The following KIF26B variants were observed in gnomAD, a reference collection of about 807,000 sequenced individuals.
KIF26B encodes the protein kinesin-like protein KIF26B.
KIF26B carries 63 observed loss-of-function variants against 151.2 expected under a neutral mutation model. The ratio of observed to expected loss-of-function variants is 0.42; its 90% confidence interval spans 0.34 to 0.51. The LOEUF is 0.51. Among genes scored for constraint, KIF26B ranks in the 20% least tolerant of loss-of-function variants. The pLI is 0.07. For synonymous variants in KIF26B, 1,357 were observed against 1,262.1 expected (o/e 1.08, Z -1.59); for missense variants, 2,813 against 2,913.6 (o/e 0.97, Z 0.79).
intron 2 of KIF26B, among the ~76,000 whole-genome samples, chr1:245,235,945 T>C (rs1296126224): frequency 2.6e-5 from 4 of 151,824 alleles, no homozygotes; most frequent in African/African-American, 9.7e-5. Flanking sequence ...TTTTTTTTTT[T>C]TTGAGACAGA....
intron 2 of KIF26B, among the ~76,000 whole-genome samples, chr1:245,198,032 G>A (rs374802084): frequency 6.6e-6 from 1 of 152,162 alleles, no homozygotes; most frequent in Non-Finnish European, 1.5e-5. Flanking sequence ...ATCCTGTCTT[G>A]TCTCTTCCTC....
intron 9 of KIF26B, among the ~76,000 whole-genome samples, chr1:245,624,556 C>A (rs1170269688): frequency 6.6e-6 from 1 of 152,194 alleles, no homozygotes; most frequent in Non-Finnish European, 1.5e-5. Flanking sequence ...GGCATCCATA[C>A]CTCTTCTTTG....
At chr1:245,381,548 G>T (rs1395564728) in intron 3 of KIF26B, among the ~76,000 whole-genome samples, 1 of 151,826 alleles carries the variant, frequency 6.6e-6, no homozygotes, top group Non-Finnish European at 1.5e-5. Flanking sequence ...TTTAAGTGTG[G>T]CCTAAGACAG....
intron 4 of KIF26B, among the ~76,000 whole-genome samples, chr1:245,525,107 T>C (rs1375943691): frequency 6.6e-6 from 1 of 152,054 alleles, no homozygotes; most frequent in Non-Finnish European, 1.5e-5. Context: ...CCTCCCTGGG[T>C]CATCTCATCC....
intron 9 of KIF26B, chr1:245,614,835 C>T (rs749476226): frequency 1.2e-4 from 19 of 152,130 alleles, no homozygotes; most frequent in Non-Finnish European, 1.8e-4. Flanking sequence ...TTTAGAATCA[C>T]GTTCTTAAAG....
chr1:245,245,825 G>A (rs1422817242), intron 2 of KIF26B, among the ~76,000 whole-genome samples: 1 of 151,700 alleles, frequency 6.6e-6, no homozygotes, highest in Non-Finnish European at 1.5e-5. Context: ...TATTCAGGAG[G>A]CTGAGGCAGA....
chr1:245,441,082 T>C (rs561239884), intron 4 of KIF26B, among the ~76,000 whole-genome samples: 1 of 152,326 alleles, frequency 6.6e-6, no homozygotes, highest in South Asian at 2.1e-4. Context: ...TCTCCTTGGC[T>C]TCCTGTGGAA....
intron 2 of KIF26B, among the ~76,000 whole-genome samples, chr1:245,235,136 T>C (rs1275112046): frequency 6.6e-6 from 1 of 152,160 alleles, no homozygotes; most frequent in Non-Finnish European, 1.5e-5. Flanking sequence ...AGCTGATGTG[T>C]TCAGGAAAAT....
At chr1:245,264,844 G>A (rs569544006) in intron 2 of KIF26B, among the ~76,000 whole-genome samples, 1 of 151,586 alleles carries the variant, frequency 6.6e-6, no homozygotes, top group East Asian at 2.0e-4. Flanking sequence ...AGAGAGCCGA[G>A]ATCGAGCGAC....
intron 2 of KIF26B, among the ~76,000 whole-genome samples, chr1:245,329,490 G>A (rs1043739530): frequency 6.6e-6 from 1 of 152,212 alleles, no homozygotes; most frequent in Non-Finnish European, 1.5e-5. Context: ...GAGGCCCCAG[G>A]AATTAGTTGC....
chr1:245,463,996 A>ACCTCCT (rs1201764317), intron 4 of KIF26B, among the ~76,000 whole-genome samples: 1 of 151,608 alleles, frequency 6.6e-6, no homozygotes, highest in Non-Finnish European at 1.5e-5. Flanking sequence ...CAAAACCATC[A>ACCTCCT]CCTCCTCCTC....
At chr1:245,260,873 CTTCTTGTCTT>C (rs1402115040) in intron 2 of KIF26B, among the ~76,000 whole-genome samples, 182 of 152,308 alleles carry the variant, frequency 1.2e-3, no homozygotes, top group Admixed American at 4.4e-3. Context: ...ACTCAATAGC[CTTCTTGTCTT>C]TTAGCCTAGG....
At chr1:245,546,966 G>T (rs561165097) in intron 5 of KIF26B, among the ~76,000 whole-genome samples, 1 of 152,322 alleles carries the variant, frequency 6.6e-6, no homozygotes, top group African/African-American at 2.4e-5. Context: ...AGAGAAAGGC[G>T]ACTTGGGGAA....
chr1:245,275,250 G>T (rs1419461688), intron 2 of KIF26B, among the ~76,000 whole-genome samples: 1 of 151,822 alleles, frequency 6.6e-6, no homozygotes, highest in Admixed American at 6.6e-5. Flanking sequence ...GATAGATACA[G>T]TGCAAAAATT....
At position 245,597,565 on chromosome 1, in the gene KIF26B, T is replaced by C. The variant is rs2043347535; in HGVS notation, c.1351-5012T>C. On this transcript the variant is annotated intron_variant, in intron 5 of 14. Transcript: ENST00000407071. The surrounding 1 kb of genome is among the most constrained non-coding windows in gnomAD (Gnocchi z 4.6). ...CTTTCTCTCTAGTGCCCATAACATT[T>C]TTCCATCATTTCAACCTTGGTGAAT... 6.6e-6 allele frequency among the ~76,000 whole-genome samples: 1 copy of C among 152,192 alleles called. No homozygotes were observed. Among genetic ancestry groups the C allele is most frequent in the African/African-American group, 2.4e-5 (1 of 41,456 alleles).
chr1:245,493,706 A>AT (rs1428285093), intron 4 of KIF26B, among the ~76,000 whole-genome samples: 2 of 152,210 alleles, frequency 1.3e-5, no homozygotes, highest in Admixed American at 1.3e-4. Flanking sequence ...AAGATCTGAG[A>AT]TAGAAGGGAA....
chr1:245,201,857 G>A (rs1481329288), intron 2 of KIF26B, among the ~76,000 whole-genome samples: 1 of 152,192 alleles, frequency 6.6e-6, no homozygotes, highest in Non-Finnish European at 1.5e-5. Flanking sequence ...CTGCAGCACA[G>A]GAGTACGACT....
At chr1:245,395,202 T>G (rs966200440) in intron 3 of KIF26B, among the ~76,000 whole-genome samples, 1 of 152,196 alleles carries the variant, frequency 6.6e-6, no homozygotes. Context: ...TTTGAGTGCA[T>G]GTCGATGTTG....
chr1:245,534,852 G>A (rs562201969), intron 4 of KIF26B, among the ~76,000 whole-genome samples: 163 of 150,524 alleles, frequency 1.1e-3, no homozygotes, highest in Non-Finnish European at 2.1e-3. Flanking sequence ...GCACGATCTC[G>A]GCTCACTGCA....
Sources: gnomAD v4.1 joint callset for allele counts (sites outside exome capture counted in the v4.1 genomes callset) on GRCh38, gnomAD v4.1.1 for gene constraint, Gnocchi (gnomAD v3.1) non-coding constraint, MANE v1.5 for transcripts, NCBI Gene and HGNC (gene_info 2026-07-23, HGNC 2026-07-21) for gene names.